The following KCNAB1 variants were observed in gnomAD, a reference collection of about 807,000 sequenced individuals.
KCNAB1 encodes the protein voltage-gated potassium channel subunit beta-1.
A neutral mutation model predicts 64.6 loss-of-function variants in KCNAB1; 35 were observed. The observed-to-expected ratio is 0.54, with a 90% CI of 0.41 to 0.72. The LOEUF is 0.72. Ranked by LOEUF, KCNAB1 falls within the 30% of genes least tolerant of loss-of-function variation. The pLI, the probability that KCNAB1 is intolerant of heterozygous loss-of-function variation, is 0.00. For synonymous variants in KCNAB1, 177 were observed against 183.8 expected (o/e 0.96, Z 0.30); for missense variants, 401 against 512.9 (o/e 0.78, Z 2.11).
At chr3:156,253,904 C>T (rs1717964126) in intron 1 of KCNAB1, among the ~76,000 whole-genome samples, 1 of 152,172 alleles carries the variant, frequency 6.6e-6, no homozygotes, top group Non-Finnish European at 1.5e-5. Context: ...AGGCCATGCC[C>T]CCAGCGATGT....
At chr3:156,215,053 G>A (rs1312093584) in intron 1 of KCNAB1, among the ~76,000 whole-genome samples, 1 of 152,150 alleles carries the variant, frequency 6.6e-6, no homozygotes, top group Non-Finnish European at 1.5e-5. Context: ...TAACTAAATT[G>A]TAATTGTTCT....
At chr3:156,392,158 C>T (rs1372807778) in intron 1 of KCNAB1, among the ~76,000 whole-genome samples, 1 of 152,150 alleles carries the variant, frequency 6.6e-6, no homozygotes, top group Non-Finnish European at 1.5e-5. Flanking sequence ...ACTGTAACAT[C>T]ATTTGAAATT....
chr3:156,156,140 G>A (rs1715698170), intron 1 of KCNAB1, among the ~76,000 whole-genome samples: 1 of 152,150 alleles, frequency 6.6e-6, no homozygotes, highest in Admixed American at 6.6e-5. Context: ...CTATCTCGTA[G>A]GGCCTTAGGC....
At chr3:156,492,777 G>A (rs1157464608) in intron 8 of KCNAB1, among the ~76,000 whole-genome samples, 1 of 152,122 alleles carries the variant, frequency 6.6e-6, no homozygotes, top group Non-Finnish European at 1.5e-5. Flanking sequence ...GAAGCTAAAG[G>A]CTTCATCTCC....
At chr3:156,481,516 A>G (rs1714799777) in intron 8 of KCNAB1, among the ~76,000 whole-genome samples, 1 of 151,832 alleles carries the variant, frequency 6.6e-6, no homozygotes, top group Admixed American at 6.6e-5. Context: ...CTTTAGGCCT[A>G]TTTAGCTGAT....
intron 3 of KCNAB1, chr3:156,453,190 T>A: frequency 3.0e-6 from 1 of 337,374 alleles, no homozygotes. Context: ...CAATTTGGAA[T>A]TAACATTAGT....
At chr3:156,525,585 G>A (rs1019145355) in intron 12 of KCNAB1, among the ~76,000 whole-genome samples, 19 of 152,222 alleles carry the variant, frequency 1.2e-4, no homozygotes, top group African/African-American at 4.3e-4. Flanking sequence ...GCGCGATCTC[G>A]GCTCACTGCA....
intron 1 of KCNAB1, among the ~76,000 whole-genome samples, chr3:156,166,839 C>A (rs988444698): frequency 1.3e-5 from 2 of 152,144 alleles, no homozygotes; most frequent in Non-Finnish European, 2.9e-5. Context: ...TAATAAAATT[C>A]TCCTAGATGA....
chr3:156,359,800 G>T (rs561073804), intron 1 of KCNAB1, among the ~76,000 whole-genome samples: 1 of 152,204 alleles, frequency 6.6e-6, no homozygotes, highest in Non-Finnish European at 1.5e-5. Flanking sequence ...ATATTTAGTT[G>T]CAATGAGCTT....
At chr3:156,268,108 A>G (rs1428315876) in intron 1 of KCNAB1, among the ~76,000 whole-genome samples, 1 of 146,554 alleles carries the variant, frequency 6.8e-6, no homozygotes, top group Non-Finnish European at 1.5e-5. Flanking sequence ...TAATTTTTTG[A>G]TCCCACAAAT....
rs138487120 is a variant in KCNAB1 at position 156,164,809 on chromosome 3, T to A, written c.275+43923T>A. On this transcript the variant is annotated intron_variant, in intron 1 of 13. Coordinates refer to ENST00000490337, the MANE Select transcript of KCNAB1 (RefSeq NM_172160.3). ...ACCACTCTGCTTTATTTTAAGACACTCCATCTCTTTTTGTAGTTAGCCCAG... is the reference window on the plus strand; with the variant it reads ...ACCACTCTGCTTTATTTTAAGACACACCATCTCTTTTTGTAGTTAGCCCAG... Among the ~76,000 whole-genome samples the A allele has an allele frequency of 8.0e-3, 1,212 of 152,276 alleles. 19 individuals carry two copies. Among genetic ancestry groups the A allele is most frequent in the Non-Finnish European group, 0.011 (715 of 67,998 alleles).
intron 1 of KCNAB1, among the ~76,000 whole-genome samples, chr3:156,134,732 G>C (rs184143324): frequency 4.8e-4 from 73 of 152,304 alleles, no homozygotes; most frequent in Non-Finnish European, 1.3e-4. Context: ...TCAAAATGTT[G>C]ATGGGATGCT....
chr3:156,297,776 G>A (rs1031424403), intron 1 of KCNAB1, among the ~76,000 whole-genome samples: 2 of 151,878 alleles, frequency 1.3e-5, no homozygotes, highest in South Asian at 2.1e-4. Context: ...GTGTGTGTGC[G>A]CGTGTGCTCG....
At chr3:156,459,320 T>C (rs1391798458) in intron 4 of KCNAB1, among the ~76,000 whole-genome samples, 1 of 152,206 alleles carries the variant, frequency 6.6e-6, no homozygotes, top group East Asian at 1.9e-4. Flanking sequence ...AGTTTGTCAC[T>C]GGAACCTAAG....
chr3:156,300,689 C>T (rs1721095068), intron 1 of KCNAB1, among the ~76,000 whole-genome samples: 1 of 151,822 alleles, frequency 6.6e-6, no homozygotes, highest in South Asian at 2.1e-4. Context: ...AAAAAAAATC[C>T]TAACCTATTT....
Position 156,154,781 on chromosome 3 carries a change from G to A in KCNAB1, c.275+33895G>A, listed in dbSNP as rs140516198. Reference sequence around the variant, plus strand: ...CTCAGCAAAGGTAGTCAGTGCTGCTGGGACTGGGCAATGGCAGTGGAGGGG... The same window carrying A: ...CTCAGCAAAGGTAGTCAGTGCTGCTAGGACTGGGCAATGGCAGTGGAGGGG... On this transcript the variant is annotated intron_variant, in intron 1 of 13. Transcript: ENST00000490337. 3.7e-3 allele frequency among the ~76,000 whole-genome samples: 559 copies of A among 152,288 alleles called. 3 individuals carry two copies. Among genetic ancestry groups the A allele is most frequent in the African/African-American group, 0.013 (528 of 41,552 alleles).
intron 1 of KCNAB1, among the ~76,000 whole-genome samples, chr3:156,350,739 G>A (rs769961169): frequency 6.6e-6 from 1 of 152,204 alleles, no homozygotes; most frequent in Non-Finnish European, 1.5e-5. Context: ...ATGAAAATGT[G>A]TTTTGATTCA....
At chr3:156,271,662 A>G (rs1291276310) in intron 1 of KCNAB1, among the ~76,000 whole-genome samples, 1 of 152,234 alleles carries the variant, frequency 6.6e-6, no homozygotes, top group African/African-American at 2.4e-5. Flanking sequence ...TGAAACGTCA[A>G]ATATCTGTCT....
intron 2 of KCNAB1, among the ~76,000 whole-genome samples, chr3:156,440,550 A>C (rs1229993296): frequency 6.6e-6 from 1 of 152,230 alleles, no homozygotes; most frequent in Non-Finnish European, 1.5e-5. Context: ...ATGTACCAAC[A>C]TTGTTTTATG....
Sources: allele counts gnomAD v4.1 joint callset (sites outside exome capture counted in the v4.1 genomes callset), GRCh38; gene constraint gnomAD v4.1.1; transcripts MANE v1.5; gene names NCBI Gene and HGNC (gene_info 2026-07-23, HGNC 2026-07-21).